The following AGBL1 variants were observed in gnomAD, a reference collection of about 807,000 sequenced individuals.
The protein encoded by AGBL1 is AGBL carboxypeptidase 1.
AGBL1 carries 130 observed loss-of-function variants against 118.9 expected under a neutral mutation model. That is an observed-to-expected ratio of 1.09 (90% CI 0.95 to 1.26). The LOEUF (loss-of-function observed/expected upper bound fraction) is 1.26, where lower values mean the gene tolerates loss of function less well. Ranked by LOEUF, AGBL1 falls within the 50% of genes most tolerant of loss-of-function variation. The pLI is 0.00. For missense variants in AGBL1, 1,584 were observed against 1,298.1 expected, an observed-to-expected ratio of 1.22 and a Z score of -3.38; for synonymous variants, 555 against 478.9, an observed-to-expected ratio of 1.16 and a Z score of -2.08.
intron 22 of AGBL1, among the ~76,000 whole-genome samples, chr15:86,678,542 T>G (rs570941297): frequency 6.6e-6 from 1 of 152,154 alleles, no homozygotes; most frequent in Non-Finnish European, 1.5e-5. Flanking sequence ...TTAAAGGTAC[T>G]CAACTTCTGT....
At chr15:86,766,742 C>T (rs1431100590) in intron 22 of AGBL1, among the ~76,000 whole-genome samples, 1 of 151,848 alleles carries the variant, frequency 6.6e-6, no homozygotes, top group Non-Finnish European at 1.5e-5. Flanking sequence ...AGTTCTAACC[C>T]TCAAAAATCT....
intron 18 of AGBL1, among the ~76,000 whole-genome samples, chr15:86,442,339 T>G (rs2082074130): frequency 1.3e-5 from 2 of 152,214 alleles, no homozygotes; most frequent in South Asian, 4.1e-4. Flanking sequence ...AGAGCTGGTT[T>G]CAGGTTCTGG....
At chr15:86,540,813 C>T (rs1249444913) in intron 19 of AGBL1, among the ~76,000 whole-genome samples, 2 of 152,118 alleles carry the variant, frequency 1.3e-5, no homozygotes, top group Admixed American at 6.5e-5. Flanking sequence ...TCAGGGATAT[C>T]GTTTGAGAAA....
intron 22 of AGBL1, among the ~76,000 whole-genome samples, chr15:86,723,667 G>A (rs78538465): frequency 0.13 from 20,333 of 151,664 alleles, 1,512 homozygotes; most frequent in Non-Finnish European, 0.17. Flanking sequence ...ATAAAAAAAA[G>A]AAAACAAAGC....
chr15:87,027,695 T>C (rs1245583989), intron 24 of AGBL1, among the ~76,000 whole-genome samples: 2 of 151,960 alleles, frequency 1.3e-5, no homozygotes, highest in East Asian at 3.9e-4. Context: ...TGGAATACTA[T>C]GCAGCTATAA....
chr15:86,666,513 A>G (rs2085647873), intron 21 of AGBL1, among the ~76,000 whole-genome samples: 1 of 152,052 alleles, frequency 6.6e-6, no homozygotes, highest in Admixed American at 6.6e-5. Flanking sequence ...TGTATGACTC[A>G]TTTTTTCTTA....
intron 22 of AGBL1, among the ~76,000 whole-genome samples, chr15:86,886,622 T>C (rs2347454): frequency 0.84 from 127,687 of 152,186 alleles, 53,817 homozygotes; most frequent in East Asian, 0.96. Flanking sequence ...GGTGAATAAA[T>C]GCATTAAAAT....
chr15:86,481,152 C>T (rs571825714), intron 18 of AGBL1, among the ~76,000 whole-genome samples: 35 of 143,570 alleles, frequency 2.4e-4, no homozygotes, highest in Non-Finnish European at 4.6e-4. Context: ...AAAAAAAAGT[C>T]ATTTTTCTGT....
rs939889978 is a variant in AGBL1 at position 86,668,307 on chromosome 15, T to C, written c.2995-5966T>C. Among the ~76,000 whole-genome samples the C allele has an allele frequency of 3.9e-5, 6 of 152,230 alleles. No homozygotes were observed. In the South Asian group the frequency reaches 1.2e-3, roughly 32 times the overall value. On this transcript the variant is annotated intron_variant, in intron 21 of 22. Coordinates refer to ENST00000614907, the MANE Select transcript of AGBL1 (RefSeq NM_001386094.1). ...TCTGTAATATATTTTATTTTCTACA[T>C]TGAACAGTCTAACTCACAATTTTGG...
chr15:86,346,058 C>A (rs1431751630), intron 17 of AGBL1, among the ~76,000 whole-genome samples: 1 of 151,894 alleles, frequency 6.6e-6, no homozygotes, highest in Non-Finnish European at 1.5e-5. Context: ...TCTCGGCTCA[C>A]TGCAACCACT....
intron 22 of AGBL1, among the ~76,000 whole-genome samples, chr15:86,734,429 G>A (rs2077565494): frequency 6.6e-6 from 1 of 152,180 alleles, no homozygotes; most frequent in Non-Finnish European, 1.5e-5. Context: ...TGGAAAAGAT[G>A]TAGAGACTAA....
intron 22 of AGBL1, among the ~76,000 whole-genome samples, chr15:86,724,540 A>G (rs901978249): frequency 6.6e-6 from 1 of 152,170 alleles, no homozygotes; most frequent in African/African-American, 2.4e-5. Context: ...GGGCAAGGGT[A>G]GAGGTAAGGG....
At chr15:86,735,239 G>C (rs1378334160) in intron 22 of AGBL1, among the ~76,000 whole-genome samples, 1 of 151,910 alleles carries the variant, frequency 6.6e-6, no homozygotes, top group African/African-American at 2.4e-5. Flanking sequence ...CCGACACCGT[G>C]CCCAGCTAAT....
At chr15:86,835,673 T>A (rs1290713529) in intron 22 of AGBL1, among the ~76,000 whole-genome samples, 1 of 152,002 alleles carries the variant, frequency 6.6e-6, no homozygotes, top group Non-Finnish European at 1.5e-5. Context: ...GTAGGTGAAA[T>A]ATATGGCTAG....
intron 21 of AGBL1, among the ~76,000 whole-genome samples, chr15:86,636,668 A>G (rs1359327602): frequency 1.6e-5 from 2 of 123,150 alleles, no homozygotes; most frequent in African/African-American, 2.8e-5. Context: ...TAATCTTATC[A>G]TATTGGCTTA....
chr15:86,319,743 GTTTTTTTTTTTTTTTTTTTTT>G (rs139831044), intron 17 of AGBL1, among the ~76,000 whole-genome samples: 3 of 47,254 alleles, frequency 6.3e-5, no homozygotes, highest in South Asian at 1.1e-3. Flanking sequence ...CTCTTTGGTA[GTTTTTTTTTTTTTTTTTTTTT>G]TTTTTTTTTT....
chr15:86,160,227 T>A (rs1320076602), intron 5 of AGBL1, among the ~76,000 whole-genome samples: 1 of 151,890 alleles, frequency 6.6e-6, no homozygotes, highest in Admixed American at 6.6e-5. Context: ...TCAATTAAAT[T>A]CTGCTAAGAA....
At chr15:86,658,298 A>AT (rs1245958045) in intron 21 of AGBL1, among the ~76,000 whole-genome samples, 3 of 152,252 alleles carry the variant, frequency 2.0e-5, no homozygotes, top group Admixed American at 2.0e-4. Context: ...GCGTATAGGG[A>AT]TTTTGTCCTT....
intron 21 of AGBL1, among the ~76,000 whole-genome samples, chr15:86,619,532 G>GA (rs1316055243): frequency 6.6e-6 from 1 of 152,198 alleles, no homozygotes; most frequent in Non-Finnish European, 1.5e-5. Flanking sequence ...ACAGCTGGGA[G>GA]AAAATCACAC....
Sources: gnomAD v4.1 joint callset for allele counts (sites outside exome capture counted in the v4.1 genomes callset) on GRCh38, gnomAD v4.1.1 for gene constraint, MANE v1.5 for transcripts, NCBI Gene and HGNC (gene_info 2026-07-23, HGNC 2026-07-21) for gene names.